Variants in CYP11B1 observed in about 807,000 individuals in gnomAD.
The protein encoded by CYP11B1 is cytochrome P450 11B1, mitochondrial.
In CYP11B1, 34 loss-of-function variants were observed where a neutral mutation model predicts 48.3. That is an observed-to-expected ratio of 0.70 (90% CI 0.54 to 0.94). The LOEUF is 0.94. CYP11B1 is among the 40% of genes least tolerant of loss of function. CYP11B1 has a pLI of 0.00. For missense variants in CYP11B1, 688 were observed against 657.4 expected, an observed-to-expected ratio of 1.05 and a Z score of -0.51; for synonymous variants, 291 against 262.5, an observed-to-expected ratio of 1.11 and a Z score of -1.05.
In CYP11B1 at chr8:142,875,713, G is replaced by T. The variant is rs61752786; in HGVS notation, c.1120C>A (p.Arg374=). Residue 374 remains arginine (R), a splice_region_variant and synonymous_variant, in exon 6 of 9, where the codon CGG becomes AGG. Transcript: ENST00000292427. ...AGGGAGGCCTCAGCCAGCACCCACC[G>T]CAAGGTCTCCTTGAGGGCCGCACGC... ...LLRAALKETL[R]LYPVGLFLER... The T allele has an allele frequency of 0.022, 35,064 of 1,594,996 alleles. 413 individuals are homozygous for T. Among genetic ancestry groups the T allele is most frequent in the Non-Finnish European group, 0.025 (29,610 of 1,174,588 alleles).
In CYP11B1 at chr8:142,879,530, G is replaced by A. The variant is rs368794827; in HGVS notation, c.239+45C>T. 42 of 1,614,064 alleles carry A rather than the reference G, an allele frequency of 2.6e-5. No individual in the cohort carries two copies. In the East Asian group the frequency reaches 2.9e-4, roughly 11 times the overall value. On this transcript the variant is annotated intron_variant, in intron 1 of 8. Transcript: ENST00000292427. ...GCCCGGCAGGGTCCTGGGCAGCAAG[G>A]GCAGGGCTCTGGGTGTTCCCAGCGA... is the stretch of plus-strand genomic sequence containing the variant.
In CYP11B1 at chr8:142,874,194, G is replaced by A. The variant is rs1229145177; in HGVS notation, c.*179C>T. The A allele has an allele frequency of 4.6e-6, 3 of 645,366 alleles. No homozygotes were observed. Among genetic ancestry groups the A allele is most frequent in the South Asian group, 1.7e-5 (1 of 57,536 alleles). The allele number at this position is 645,366 out of a possible 1,614,324, so 40.0% of individuals were successfully genotyped here. A position where few individuals can be genotyped will look rare whatever the true frequency, so the allele number is the denominator to read the frequency against. ...TCTTCCCCAGCTGTGCCCTGGCATT[G>A]CTGCTTAGCCTGGCAAACCCTGGTC... On this transcript the variant is annotated 3_prime_UTR_variant, in exon 9 of 9. Transcript: ENST00000292427.
chr8:142,878,329 G>C (rs935804407), intron 2 of CYP11B1, among the ~76,000 whole-genome samples: 2 of 152,160 alleles, frequency 1.3e-5, no homozygotes, highest in Non-Finnish European at 2.9e-5. Flanking sequence ...GCCATGGAGT[G>C]GGGGCTGTCG....
rs372115638 is a variant in CYP11B1, at chr8:142,875,812, G to C, written c.1021C>G (p.Arg341Gly). The C allele has an allele frequency of 6.2e-7, 1 of 1,613,958 alleles. No individual in the cohort carries two copies. Among genetic ancestry groups the C allele is most frequent in the African/African-American group, 1.3e-5 (1 of 74,914 alleles). The change falls in exon 6 of 9, where the codon CGC becomes GGC. Residue 341 changes from arginine to glycine, a missense_variant. By Grantham distance (125) the Arg-to-Gly change is moderately radical (BLOSUM62 -2). Coordinates refer to ENST00000292427, the MANE Select transcript of CYP11B1 (RefSeq NM_000497.4). ...ARNPNVQQAL[R>G]QESLAAAASI... Reference sequence around the variant, plus strand: ...GCTGCGGCGGCCAGGCTCTCCTGGCGCAGGGCCTGCTGCACGTTGGGGTTC... The same window carrying C: ...GCTGCGGCGGCCAGGCTCTCCTGGCCCAGGGCCTGCTGCACGTTGGGGTTC...
Position 142,879,136 on chromosome 8 carries a change from C to T in CYP11B1, c.291G>A (p.Val97=), listed in dbSNP as rs1178366143. ...GGCTGTCCACCTGTTGCAGCTTCTC[C>T]ACGTCCTCCGGCAGCATCACACACA... ...GMVCVMLPED[V]EKLQQVDSLH... is the part of the protein sequence containing the mutation. The change falls in exon 2 of 9, where the codon GTG becomes GTA. Residue 97 remains valine, a synonymous_variant. Coordinates refer to ENST00000292427, the MANE Select transcript of CYP11B1 (RefSeq NM_000497.4). 6.2e-7 allele frequency: 1 copy of T among 1,614,130 alleles called. No individual in the cohort carries two copies. The highest frequency in any genetic ancestry group is 1.7e-5 in the Admixed American group (1 of 60,018).
In CYP11B1 at chr8:142,874,320, A is replaced by G. The variant is rs61752797; in HGVS notation, c.*53T>C. On this transcript the variant is annotated 3_prime_UTR_variant, in exon 9 of 9. Transcript: ENST00000292427. The stretch of plus-strand genomic sequence containing the variant: ...GAGAGAAGAGGGGTGGCCTGGGGTC[A>G]GGCAGAAAGGGAGGCTGGTGGCCAG... 3.9e-6 allele frequency: 5 copies of G among 1,281,954 alleles called. No homozygotes were observed. The African/African-American group carries it at 4.4e-5, about 11-fold the overall frequency. The allele number at this position is 1,281,954 out of a possible 1,614,324, so 79.4% of individuals were successfully genotyped here. A position where few individuals can be genotyped will look rare whatever the true frequency, so the allele number is the denominator to read the frequency against.
At chr8:142,878,784 A>C (rs1431720741) in intron 2 of CYP11B1, among the ~76,000 whole-genome samples, 2 of 152,068 alleles carry the variant, frequency 1.3e-5, no homozygotes, top group Non-Finnish European at 2.9e-5. Flanking sequence ...TTCTCACTAC[A>C]CAGAAGGGCT....
chr8:142,874,157 A>G lies in CYP11B1; in HGVS notation c.*216T>C. ...AAAGGGCCAGGTGGGGCTGGGGACAAGGTCAGCAAGATCTTCCCCAGCTGT... is the reference window on the plus strand; with the variant it reads ...AAAGGGCCAGGTGGGGCTGGGGACAGGGTCAGCAAGATCTTCCCCAGCTGT... On this transcript the variant is annotated 3_prime_UTR_variant, in exon 9 of 9. Transcript: ENST00000292427. 1.7e-6 allele frequency: 1 copy of G among 603,252 alleles called. No homozygotes were observed. The highest frequency in any genetic ancestry group is 3.0e-6 in the Non-Finnish European group (1 of 334,014). The allele number at this position is 603,252 out of a possible 1,614,324, so 37.4% of individuals were successfully genotyped here. A position where few individuals can be genotyped will look rare whatever the true frequency, so the allele number is the denominator to read the frequency against.
At chr8:142,875,606 C>T (rs576016623) in intron 6 of CYP11B1, 106 bp downstream of exon 6, 1 of 1,285,228 alleles carries the variant, frequency 7.8e-7, no homozygotes, top group Admixed American at 1.9e-5. Flanking sequence ...GAATGGGCTG[C>T]TGGGTGACGC....
chr8:142,875,070 G>A lies in CYP11B1; in HGVS notation c.1285C>T (p.Leu429=). The A allele has an allele frequency of 6.2e-7, 1 of 1,614,260 alleles. No individual in the cohort carries two copies. The highest frequency in any genetic ancestry group is 8.5e-7 in the Non-Finnish European group (1 of 1,180,040). Residue 429 remains leucine (L), a synonymous_variant, in exon 8 of 9, where the codon CTA becomes TTA. Coordinates refer to ENST00000292427, the MANE Select transcript of CYP11B1 (RefSeq NM_000497.4). ...TTCCTGCCGGAGCCCCTGATGTCTA[G>A]CCAGCGCTGGGGGTTATAGCGCTCA... is the stretch of plus-strand genomic sequence containing the variant. ...RPERYNPQRW[L]DIRGSGRNFY...
At chr8:142,875,926 GC>G in intron 5 of CYP11B1, 48 bp from the exon 6 acceptor site, 1 of 1,611,166 alleles carries the variant, frequency 6.2e-7, no homozygotes, top group Non-Finnish European at 8.5e-7. Flanking sequence ...GGAGGACTCA[GC>G]CCCCGGGACA....
chr8:142,878,076 A>C (rs1563870275), intron 2 of CYP11B1, among the ~76,000 whole-genome samples: 2 of 152,226 alleles, frequency 1.3e-5, no homozygotes, highest in South Asian at 2.1e-4. Flanking sequence ...GCACACACGC[A>C]TGCACACACA....
intron 2 of CYP11B1, among the ~76,000 whole-genome samples, chr8:142,878,213 C>T (rs756821388): frequency 1.3e-4 from 20 of 152,186 alleles, no homozygotes; most frequent in Non-Finnish European, 2.8e-4. Flanking sequence ...CTTCCTGGGT[C>T]CTGACTCCCT....
Position 142,874,286 on chromosome 8 carries a change from T to G in CYP11B1, c.*87A>C. On this transcript the variant is annotated 3_prime_UTR_variant, in exon 9 of 9. Transcript: ENST00000292427. ...GACAGAGGGGTGACTCAGGAAGCTG[T>G]GCATGTGGGAGAGAAGAGGGGTGGC... is the stretch of plus-strand genomic sequence containing the variant. 1.1e-6 allele frequency: 1 copy of G among 901,606 alleles called. No individual in the cohort carries two copies. The allele number at this position is 901,606 out of a possible 1,614,324, so 55.9% of individuals were successfully genotyped here.
chr8:142,877,298 TCC>T (rs1816991899), intron 2 of CYP11B1, 76 bp from the exon 3 acceptor site: 1 of 1,374,892 alleles, frequency 7.3e-7, no homozygotes, highest in African/African-American at 1.4e-5. Context: ...ATCCTCCTTG[TCC>T]CCAAGGGGAA....
In CYP11B1 at chr8:142,877,280, C is replaced by T. The variant is rs61751144; in HGVS notation, c.396-58G>A. The T allele has an allele frequency of 7.4e-3, 10,851 of 1,475,982 alleles. 38 individuals are homozygous for T. The highest frequency in any genetic ancestry group is 8.8e-3 in the Admixed American group (455 of 51,956). 91.4% of individuals were successfully genotyped at this position (1,475,982 alleles called of 1,614,324 possible). On this transcript the variant is annotated intron_variant, in intron 2 of 8. Transcript: ENST00000292427. ...CCCCAGCAAGACACAGGCCCTGACC[C>T]GTATCCCATCCTCCTTGTCCCCAAG...
At chr8:142,879,553 C>G (rs751195976) in intron 1 of CYP11B1, 22 bp downstream of exon 1, 3 of 1,614,144 alleles carry the variant, frequency 1.9e-6, no homozygotes, top group Non-Finnish European at 2.5e-6. Context: ...GTGTTCCCAG[C>G]GAGGGCCAGG....
chr8:142,874,530 A>G (rs377233680), intron 8 of CYP11B1, 44 bp from the exon 9 acceptor site: 23 of 1,349,842 alleles, frequency 1.7e-5, no homozygotes, highest in Non-Finnish European at 2.0e-5. Context: ...TCCGCAGCCC[A>G]TGCACGTGGT....
intron 8 of CYP11B1, 45 bp from the exon 9 acceptor site, chr8:142,874,531 T>C (rs1368157581): frequency 7.7e-7 from 1 of 1,291,180 alleles, no homozygotes; most frequent in Non-Finnish European, 1.1e-6. Context: ...CCGCAGCCCA[T>C]GCACGTGGTG....
Sources: allele counts gnomAD v4.1 joint callset (sites outside exome capture counted in the v4.1 genomes callset), GRCh38; gene constraint gnomAD v4.1.1; transcripts MANE v1.5; gene names NCBI Gene and HGNC (gene_info 2026-07-23, HGNC 2026-07-21).